The following UBXN7 variants were observed in gnomAD, a reference collection of about 807,000 sequenced individuals.
UBXN7 encodes the protein UBX domain-containing protein 7.
A neutral mutation model predicts 58.0 loss-of-function variants in UBXN7; 9 were observed. The ratio of observed to expected loss-of-function variants is 0.16; its 90% confidence interval spans 0.09 to 0.27. UBXN7 has a LOEUF of 0.27. UBXN7 is among the 10% of genes least tolerant of loss of function. The pLI is 1.00. For missense variants in UBXN7, 328 were observed against 599.6 expected, an observed-to-expected ratio of 0.55 and a Z score of 4.73; for synonymous variants, 208 against 205.0, an observed-to-expected ratio of 1.01 and a Z score of -0.12.
intron 10 of UBXN7, among the ~76,000 whole-genome samples, chr3:196,358,038 G>C (rs1048946765): frequency 6.6e-6 from 1 of 151,784 alleles, no homozygotes; most frequent in African/African-American, 2.4e-5. Flanking sequence ...GTGTCTACAA[G>C]AAAAGGAAGA....
Position 196,350,785 on chromosome 3 carries a change from G to A in UBXN7, c.*5900C>T, listed in dbSNP as rs1728191451. On this transcript the variant is annotated 3_prime_UTR_variant, in exon 11 of 11. Coordinates refer to ENST00000296328, the MANE Select transcript of UBXN7 (RefSeq NM_015562.2). ...ATATATTGGTATGGTATTCTCTGTT[G>A]GGTTATCTGCAGTTCTAAAGAACAT... is the stretch of plus-strand genomic sequence containing the variant. 1 of 152,120 alleles carries A rather than the reference G, an allele frequency of 6.6e-6. No individual in the cohort carries two copies. Among genetic ancestry groups the A allele is most frequent in the Non-Finnish European group, 1.5e-5 (1 of 68,016 alleles). 9.4% of individuals were successfully genotyped at this position (152,120 alleles called of 1,614,324 possible). A position where few individuals can be genotyped will look rare whatever the true frequency, so the allele number is the denominator to read the frequency against.
chr3:196,391,577 T>G (rs567637505), intron 5 of UBXN7, among the ~76,000 whole-genome samples: 1 of 151,688 alleles, frequency 6.6e-6, no homozygotes, highest in African/African-American at 2.4e-5. Context: ...CCAAAAAAAT[T>G]TTTTTAATTA....
At chr3:196,379,942 C>T (rs994295564) in intron 5 of UBXN7, among the ~76,000 whole-genome samples, 1 of 152,004 alleles carries the variant, frequency 6.6e-6, no homozygotes, top group African/African-American at 2.4e-5. Context: ...CAGGGCGAGC[C>T]TATAGAGTAA....
At chr3:196,370,223 G>C (rs1728782094) in intron 6 of UBXN7, among the ~76,000 whole-genome samples, 4 of 151,656 alleles carry the variant, frequency 2.6e-5, no homozygotes, top group African/African-American at 9.7e-5. Flanking sequence ...GACAGCTTGA[G>C]GCCAGGAGTT....
At chr3:196,390,169 T>C (rs1729532635) in intron 5 of UBXN7, among the ~76,000 whole-genome samples, 5 of 151,688 alleles carry the variant, frequency 3.3e-5, no homozygotes, top group Admixed American at 3.3e-4. Context: ...CAGTGAGCCA[T>C]GATTTTGCCA....
intron 6 of UBXN7, among the ~76,000 whole-genome samples, chr3:196,370,074 G>A (rs1251157031): frequency 6.7e-6 from 1 of 148,150 alleles, no homozygotes; most frequent in Non-Finnish European, 1.5e-5. Flanking sequence ...AGACTGCAGT[G>A]AGCTGAGATC....
intron 4 of UBXN7, 53 bp from the exon 5 acceptor site, chr3:196,391,978 G>GA (rs11335716): frequency 0.012 from 2,263 of 194,552 alleles, 9 homozygotes; most frequent in South Asian, 0.025. Context: ...GAATCACACT[G>GA]AAAAAAAAAA....
At position 196,399,322 on chromosome 3, in the gene UBXN7, G is replaced by T. The variant is rs563103051; in HGVS notation, c.289+3630C>A. Among the ~76,000 whole-genome samples, 172 of 149,358 alleles carry T rather than the reference G, an allele frequency of 1.2e-3. 1 individual carries two copies. Among genetic ancestry groups the T allele is most frequent in the African/African-American group, 3.8e-3 (156 of 40,748 alleles). On this transcript the variant is annotated intron_variant, in intron 3 of 10. Transcript: ENST00000296328. ...TTAAATTAATTTATTATTTTTTTTT[G>T]AGTTGGGGTCTCAATACGTTGCCCA...
chr3:196,399,904 A>G (rs1340799392), intron 3 of UBXN7: 1 of 152,240 alleles, frequency 6.6e-6, no homozygotes, highest in Non-Finnish European at 1.5e-5. Context: ...AATGAAAATA[A>G]TTTGATGTCC....
At chr3:196,432,063 C>A in intron 1 of UBXN7, 1 of 602,578 alleles carries the variant, frequency 1.7e-6, no homozygotes. Flanking sequence ...TCGGCCCATT[C>A]CCAGGTCTGG....
intron 1 of UBXN7, among the ~76,000 whole-genome samples, chr3:196,409,936 G>C (rs892251685): frequency 7.1e-6 from 1 of 141,556 alleles, no homozygotes; most frequent in Non-Finnish European, 1.5e-5. Flanking sequence ...TATTTTAAAA[G>C]AAACTTTTTT....
chr3:196,386,754 GAAGAATCAATACCTGA>G (rs1729415355), intron 5 of UBXN7, among the ~76,000 whole-genome samples: 1 of 152,122 alleles, frequency 6.6e-6, no homozygotes, highest in Non-Finnish European at 1.5e-5. Context: ...TCATGGATAG[GAAGAATCAATACCTGA>G]AAATGGCCAT....
chr3:196,366,209 C>T (rs1343165867), intron 8 of UBXN7, among the ~76,000 whole-genome samples: 2 of 152,166 alleles, frequency 1.3e-5, no homozygotes, highest in African/African-American at 4.8e-5. Context: ...GTGTTCCTCA[C>T]ATCTTCTAAA....
At chr3:196,413,622 T>C (rs932749509) in intron 1 of UBXN7, among the ~76,000 whole-genome samples, 2 of 152,156 alleles carry the variant, frequency 1.3e-5, no homozygotes, top group Non-Finnish European at 2.9e-5. Flanking sequence ...TAGTTCCTTC[T>C]AGTTAATACC....
intron 1 of UBXN7, among the ~76,000 whole-genome samples, chr3:196,413,348 G>A (rs1730390215): frequency 6.6e-6 from 1 of 152,032 alleles, no homozygotes; most frequent in Non-Finnish European, 1.5e-5. Context: ...CAAAAAAAAG[G>A]TTAAAATGAT....
chr3:196,394,801 C>A (rs1173217040), intron 3 of UBXN7, among the ~76,000 whole-genome samples: 1 of 152,054 alleles, frequency 6.6e-6, no homozygotes, highest in African/African-American at 2.4e-5. Flanking sequence ...TTGGATTGGA[C>A]CCACGTGCAG....
intron 8 of UBXN7, among the ~76,000 whole-genome samples, chr3:196,363,658 C>T (rs1476025043): frequency 6.6e-6 from 1 of 152,004 alleles, no homozygotes; most frequent in African/African-American, 2.4e-5. Context: ...CAAAACAGGC[C>T]AGGCACAGTG....
Position 196,354,393 on chromosome 3 carries a change from C to T in UBXN7, c.*2292G>A, listed in dbSNP as rs1207103833. On this transcript the variant is annotated 3_prime_UTR_variant, in exon 11 of 11. Coordinates refer to ENST00000296328, the MANE Select transcript of UBXN7 (RefSeq NM_015562.2). ...TTGGCAGTTCTCCCAACTGTTTTAT[C>T]AAGAGAAGCTAGAAGGTAAAGAAAA... is the stretch of plus-strand genomic sequence containing the variant. 2 of 152,122 alleles carry T rather than the reference C, an allele frequency of 1.3e-5. No homozygotes were observed. The highest frequency in any genetic ancestry group is 4.8e-5 in the African/African-American group (2 of 41,400). The allele number at this position is 152,122 out of a possible 1,614,324, so 9.4% of individuals were successfully genotyped here.
chr3:196,408,585 A>C (rs745794969), intron 1 of UBXN7, among the ~76,000 whole-genome samples: 2 of 152,056 alleles, frequency 1.3e-5, no homozygotes, highest in African/African-American at 4.8e-5. Flanking sequence ...TATCTGAATT[A>C]TGTCCCTTAG....
Sources: gnomAD v4.1 joint callset for allele counts (sites outside exome capture counted in the v4.1 genomes callset) on GRCh38, gnomAD v4.1.1 for gene constraint, MANE v1.5 for transcripts, NCBI Gene and HGNC (gene_info 2026-07-23, HGNC 2026-07-21) for gene names.